CNTN5: variants seen among roughly 807,000 people sequenced by gnomAD.
CNTN5 encodes contactin 5.
A neutral mutation model predicts 129.1 loss-of-function variants in CNTN5; 77 were observed. That is an observed-to-expected ratio of 0.60 (90% CI 0.50 to 0.72). CNTN5 has a LOEUF of 0.72. Among genes scored for constraint, CNTN5 ranks in the 30% least tolerant of loss-of-function variants. The probability of loss-of-function intolerance (pLI) is 0.00; values close to 1 mark genes in which losing one functional copy is unlikely to be tolerated. For missense variants in CNTN5, 1,478 were observed against 1,328.8 expected (o/e 1.11, Z -1.75); for synonymous variants, 509 against 465.6 (o/e 1.09, Z -1.20).
intron 2 of CNTN5, among the ~76,000 whole-genome samples, chr11:99,385,980 G>A (rs1246688039): frequency 6.6e-6 from 1 of 152,108 alleles, no homozygotes; most frequent in Non-Finnish European, 1.5e-5. Context: ...TTATGACCTG[G>A]AGTCCTCAGT....
chr11:100,281,584 T>A (rs1407151979), intron 18 of CNTN5, among the ~76,000 whole-genome samples: 3 of 152,314 alleles, frequency 2.0e-5, no homozygotes, highest in East Asian at 1.9e-4. Context: ...GGGTTGAATC[T>A]GCTTGGTGTT....
chr11:99,319,741 T>A (rs1865485264), intron 1 of CNTN5, among the ~76,000 whole-genome samples: 1 of 152,144 alleles, frequency 6.6e-6, no homozygotes, highest in South Asian at 2.1e-4. Flanking sequence ...TTTATTTGAT[T>A]TGCAATTTGA....
At chr11:99,449,325 A>G (rs745612301) in intron 2 of CNTN5, among the ~76,000 whole-genome samples, 5 of 152,220 alleles carry the variant, frequency 3.3e-5, no homozygotes, top group Non-Finnish European at 5.9e-5. Context: ...CATTAGCTAA[A>G]TAGATATTGA....
intron 1 of CNTN5, among the ~76,000 whole-genome samples, chr11:99,076,421 C>T (rs114467612): frequency 0.011 from 1,733 of 152,014 alleles, 36 homozygotes; most frequent in African/African-American, 0.039. Flanking sequence ...CTTAACACTC[C>T]CAAATATATA....
chr11:100,161,492 T>G (rs1192945528), intron 13 of CNTN5, among the ~76,000 whole-genome samples: 3 of 151,876 alleles, frequency 2.0e-5, no homozygotes, highest in Non-Finnish European at 4.4e-5. Context: ...CTGAAAGATA[T>G]TTTCATGGAT....
chr11:99,751,233 A>T lies in CNTN5; in HGVS notation c.56-68311A>T, dbSNP rs536482976. On this transcript the variant is annotated intron_variant, in intron 3 of 24. Coordinates refer to ENST00000524871, the MANE Select transcript of CNTN5 (RefSeq NM_014361.4). ...GTGCCTGCAATCCTAGCTACTCAGG[A>T]GGCTAAGGCAAGAGAATTGCTTGAA... is the stretch of plus-strand genomic sequence containing the variant. Among the ~76,000 whole-genome samples the T allele has an allele frequency of 7.2e-5, 11 of 152,298 alleles. No individual in the cohort carries two copies. The East Asian group carries it at 2.1e-3, about 29-fold the overall frequency.
At chr11:99,329,182 GAGGA>G (rs768300095) in intron 2 of CNTN5, among the ~76,000 whole-genome samples, 3 of 152,140 alleles carry the variant, frequency 2.0e-5, no homozygotes, top group Non-Finnish European at 4.4e-5. Flanking sequence ...CCCAAAGCAA[GAGGA>G]AGAAAAATAA....
intron 2 of CNTN5, among the ~76,000 whole-genome samples, chr11:99,425,904 C>T (rs796662415): frequency 2.0e-5 from 3 of 152,354 alleles, no homozygotes; most frequent in African/African-American, 7.2e-5. Flanking sequence ...CCAGAAAGGT[C>T]ACTGCTGCCA....
intron 13 of CNTN5, among the ~76,000 whole-genome samples, chr11:100,105,167 C>A (rs1035337): frequency 6.6e-6 from 1 of 152,056 alleles, no homozygotes. Context: ...GCAAAAGCTT[C>A]ATGAACTTGC....
At chr11:100,171,333 C>A (rs1253792698) in intron 13 of CNTN5, among the ~76,000 whole-genome samples, 1 of 151,934 alleles carries the variant, frequency 6.6e-6, no homozygotes, top group Non-Finnish European at 1.5e-5. Flanking sequence ...ACTTAATGTA[C>A]CCCTAGTTCC....
In CNTN5 at chr11:100,357,821, A is replaced by C. The variant is rs1591540821; in HGVS notation, c.*1601A>C. On this transcript the variant is annotated 3_prime_UTR_variant, in exon 25 of 25. Coordinates refer to ENST00000524871, the MANE Select transcript of CNTN5 (RefSeq NM_014361.4). ...TCTGTTCTGAACATCCTGAAAGAAT[A>C]GTTTCAGAGCCACAGTAAAAGTCTG... 6.6e-6 allele frequency: 1 copy of C among 151,742 alleles called. No individual in the cohort carries two copies. The highest frequency in any genetic ancestry group is 1.9e-4 in the East Asian group (1 of 5,178). The allele number at this position is 151,742 out of a possible 1,614,324, so 9.4% of individuals were successfully genotyped here.
At chr11:100,343,851 A>G (rs1185180243) in intron 23 of CNTN5, among the ~76,000 whole-genome samples, 1 of 152,076 alleles carries the variant, frequency 6.6e-6, no homozygotes, top group Admixed American at 6.6e-5. Context: ...TGGCACCACT[A>G]TAATAGCGGG....
At chr11:99,138,516 T>G (rs1859349596) in intron 1 of CNTN5, among the ~76,000 whole-genome samples, 1 of 152,180 alleles carries the variant, frequency 6.6e-6, no homozygotes, top group Non-Finnish European at 1.5e-5. Flanking sequence ...TGCTTTATTT[T>G]TAAACAATGT....
chr11:99,832,414 G>A (rs932831351), intron 4 of CNTN5, among the ~76,000 whole-genome samples: 12 of 151,832 alleles, frequency 7.9e-5, no homozygotes, highest in Admixed American at 5.3e-4. Flanking sequence ...ATATCTGTAC[G>A]AAAGTGACAA....
chr11:99,365,548 A>ATTCAT lies in CNTN5; in HGVS notation c.-71+40084_-71+40088dup, dbSNP rs528097705. Among the ~76,000 whole-genome samples the ATTCAT allele has an allele frequency of 2.2e-4, 33 of 152,302 alleles. 1 individual carries two copies. The South Asian group carries it at 4.6e-3, about 21-fold the overall frequency. On this transcript the variant is annotated intron_variant, in intron 2 of 24. Transcript: ENST00000524871. ...GGGAATATGCTGAATGATCTGGCCAATTCATTTCATTTCATTTCATTTCAA... is the reference window on the plus strand; with the variant it reads ...GGGAATATGCTGAATGATCTGGCCAATTCATTTCATTTCATTTCATTTCATTTCAA...
intron 1 of CNTN5, among the ~76,000 whole-genome samples, chr11:99,300,628 T>C (rs779402353): frequency 6.6e-6 from 1 of 152,070 alleles, no homozygotes; most frequent in Non-Finnish European, 1.5e-5. Context: ...TATTCAGCCA[T>C]GCTCTCTTTT....
chr11:99,331,174 C>T (rs1410269502), intron 2 of CNTN5, among the ~76,000 whole-genome samples: 1 of 151,992 alleles, frequency 6.6e-6, no homozygotes, highest in African/African-American at 2.4e-5. Context: ...CAGGGTAGAG[C>T]CTTGCAGTAA....
At chr11:99,282,518 G>A (rs552022283) in intron 1 of CNTN5, among the ~76,000 whole-genome samples, 1 of 152,182 alleles carries the variant, frequency 6.6e-6, no homozygotes, top group Non-Finnish European at 1.5e-5. Flanking sequence ...GCACTGGTTA[G>A]AGAGAAGTAA....
At chr11:99,738,616 C>CATGTGTGTGTGTGTGT (rs1555093398) in intron 3 of CNTN5, among the ~76,000 whole-genome samples, 1 of 143,210 alleles carries the variant, frequency 7.0e-6, no homozygotes, top group African/African-American at 2.6e-5. Flanking sequence ...AAGACAGTAA[C>CATGTGTGTGTGTGTGT]GTGTGTGTGT....
Sources: gnomAD v4.1 joint callset for allele counts (sites outside exome capture counted in the v4.1 genomes callset) on GRCh38, gnomAD v4.1.1 for gene constraint, MANE v1.5 for transcripts, NCBI Gene and HGNC (gene_info 2026-07-23, HGNC 2026-07-21) for gene names.